SLC22A25: variants seen among roughly 807,000 people sequenced by gnomAD.
SLC22A25 encodes the protein solute carrier family 22 member 25, also known as MGI:2442751, MGI:2385316, MGI:3042283, MGI:3645714, MGI:3605624, MGI:2442750.
Under a neutral mutation model 45.9 loss-of-function variants are expected in SLC22A25, and 44 were observed. That is an observed-to-expected ratio of 0.96 (90% CI 0.75 to 1.23). SLC22A25 has a LOEUF of 1.23. Among genes scored for constraint, SLC22A25 ranks in the 50% most tolerant of loss-of-function variants. SLC22A25 has a pLI of 0.00. For missense variants in SLC22A25, 800 were observed against 666.4 expected, an observed-to-expected ratio of 1.20 and a Z score of -2.21; for synonymous variants, 283 against 238.6, an observed-to-expected ratio of 1.19 and a Z score of -1.72.
chr11:63,192,818 A>T (rs2088864088), intron 7 of SLC22A25, among the ~76,000 whole-genome samples: 1 of 152,250 alleles, frequency 6.6e-6, no homozygotes, highest in Non-Finnish European at 1.5e-5. Context: ...CCAATGCAGG[A>T]GTACCCAAAT....
intron 7 of SLC22A25, among the ~76,000 whole-genome samples, chr11:63,210,656 G>A (rs2089533028): frequency 6.6e-6 from 1 of 152,124 alleles, no homozygotes; most frequent in Admixed American, 6.6e-5. Context: ...TAGGCCATGG[G>A]GAGCCTATGG....
At chr11:63,240,155 T>G (rs1008734948) in intron 1 of SLC22A25, among the ~76,000 whole-genome samples, 1 of 152,158 alleles carries the variant, frequency 6.6e-6, no homozygotes, top group Non-Finnish European at 1.5e-5. Context: ...CTTGTGTACC[T>G]AAACGTATCT....
chr11:63,209,714 G>C (rs537510087), intron 7 of SLC22A25, among the ~76,000 whole-genome samples: 2 of 152,256 alleles, frequency 1.3e-5, no homozygotes, highest in South Asian at 4.1e-4. Context: ...ATTGGAAACA[G>C]CACACCCCTT....
At chr11:63,168,969 C>G (rs959718414) in intron 9 of SLC22A25, among the ~76,000 whole-genome samples, 1 of 152,136 alleles carries the variant, frequency 6.6e-6, no homozygotes, top group Non-Finnish European at 1.5e-5. Context: ...CAGTGGATCT[C>G]TCTGCAAAAA....
chr11:63,224,058 G>A (rs1363615163), intron 5 of SLC22A25, among the ~76,000 whole-genome samples: 2 of 152,014 alleles, frequency 1.3e-5, no homozygotes, highest in Admixed American at 6.6e-5. Context: ...GTGGGGTGTT[G>A]AAATCTCCAG....
chr11:63,210,258 A>G (rs185683671), intron 7 of SLC22A25, among the ~76,000 whole-genome samples: 5 of 152,340 alleles, frequency 3.3e-5, no homozygotes, highest in Non-Finnish European at 7.4e-5. Flanking sequence ...AATAACAAAC[A>G]AAGTATACAT....
At chr11:63,233,578 A>G (rs892447899) in intron 3 of SLC22A25, among the ~76,000 whole-genome samples, 5 of 152,072 alleles carry the variant, frequency 3.3e-5, no homozygotes, top group Non-Finnish European at 5.9e-5. Flanking sequence ...GATCTTTTCA[A>G]AAAACCAGCT....
chr11:63,214,035 G>C (rs1007701972), intron 7 of SLC22A25, among the ~76,000 whole-genome samples: 7 of 152,140 alleles, frequency 4.6e-5, no homozygotes, highest in African/African-American at 1.4e-4. Context: ...TGGCTTAGCT[G>C]TCATGGAAAT....
intron 5 of SLC22A25, among the ~76,000 whole-genome samples, chr11:63,221,399 T>A (rs936366741): frequency 2.0e-5 from 3 of 152,182 alleles, no homozygotes; most frequent in African/African-American, 7.2e-5. Flanking sequence ...CACATTTTCA[T>A]ATACCTGTTT....
At chr11:63,197,441 A>G (rs929489187) in intron 7 of SLC22A25, among the ~76,000 whole-genome samples, 3 of 152,214 alleles carry the variant, frequency 2.0e-5, no homozygotes, top group Non-Finnish European at 4.4e-5. Context: ...GAGTCCCCAG[A>G]TATAATACCA....
chr11:63,182,501 A>G (rs1202097001), intron 8 of SLC22A25, among the ~76,000 whole-genome samples: 2 of 151,510 alleles, frequency 1.3e-5, no homozygotes, highest in Non-Finnish European at 2.9e-5. Context: ...TTCTCTCTAT[A>G]TATTCTTTAT....
intron 5 of SLC22A25, chr11:63,218,106 T>C: frequency 4.3e-6 from 2 of 469,586 alleles, no homozygotes; most frequent in South Asian, 1.6e-5. Flanking sequence ...CTATTCACAG[T>C]AGCAAAGGCA....
intron 7 of SLC22A25, among the ~76,000 whole-genome samples, chr11:63,207,659 A>G (rs531205946): frequency 6.6e-5 from 10 of 152,232 alleles, no homozygotes; most frequent in African/African-American, 2.4e-4. Context: ...TGAGAAAAAG[A>G]AAGAGCTGGA....
chr11:63,183,632 A>G, intron 8 of SLC22A25, 62 bp downstream of exon 8: 1 of 1,604,972 alleles, frequency 6.2e-7, no homozygotes, highest in Non-Finnish European at 8.5e-7. Context: ...ATGAACACCA[A>G]CAAGTATAGA....
At chr11:63,170,950 A>G (rs1325626136) in intron 9 of SLC22A25, among the ~76,000 whole-genome samples, 1 of 152,122 alleles carries the variant, frequency 6.6e-6, no homozygotes, top group Non-Finnish European at 1.5e-5. Flanking sequence ...GCAGCACATC[A>G]AAAGCTTATC....
chr11:63,228,421 A>C (rs1349695115), intron 5 of SLC22A25, 40 bp downstream of exon 5: 1 of 1,426,048 alleles, frequency 7.0e-7, no homozygotes, highest in Non-Finnish European at 9.7e-7. Flanking sequence ...TGAATTGATG[A>C]AAATACCCTT....
At chr11:63,190,498 T>C (rs183478965) in intron 7 of SLC22A25, among the ~76,000 whole-genome samples, 118 of 152,234 alleles carry the variant, frequency 7.8e-4, no homozygotes, top group African/African-American at 2.7e-3. Context: ...CGAACTTCCT[T>C]CTTTGGCTCG....
intron 5 of SLC22A25, among the ~76,000 whole-genome samples, chr11:63,222,235 C>A (rs956523150): frequency 2.0e-5 from 3 of 152,094 alleles, no homozygotes; most frequent in Non-Finnish European, 4.4e-5. Context: ...GACATTTTAA[C>A]AATATTGATT....
intron 7 of SLC22A25, among the ~76,000 whole-genome samples, chr11:63,188,358 G>T (rs1362067578): frequency 6.6e-6 from 1 of 152,132 alleles, no homozygotes; most frequent in African/African-American, 2.4e-5. Flanking sequence ...ATTGTCTGAT[G>T]GTAGTTTGTA....
Sources: gnomAD v4.1 joint callset for allele counts (sites outside exome capture counted in the v4.1 genomes callset) on GRCh38, gnomAD v4.1.1 for gene constraint, MANE v1.5 for transcripts, NCBI Gene and HGNC (gene_info 2026-07-23, HGNC 2026-07-21) for gene names.